MYBPC1: variants seen among roughly 807,000 people sequenced by gnomAD.
MYBPC1 encodes the protein myosin-binding protein C, slow-type.
A neutral mutation model predicts 147.1 loss-of-function variants in MYBPC1; 52 were observed. The ratio of observed to expected loss-of-function variants is 0.35; its 90% CI spans 0.28 to 0.45. MYBPC1 has a LOEUF of 0.45. MYBPC1 is among the 20% of genes least tolerant of loss of function. MYBPC1 has a pLI of 1.00. For synonymous variants in MYBPC1, 477 were observed against 475.9 expected, an observed-to-expected ratio of 1.00 and a Z score of -0.03; for missense variants, 1,228 against 1,440.3, an observed-to-expected ratio of 0.85 and a Z score of 2.39.
chr12:101,668,321 T>C (rs572680087), intron 23 of MYBPC1, among the ~76,000 whole-genome samples: 1 of 152,290 alleles, frequency 6.6e-6, no homozygotes, highest in East Asian at 1.9e-4. Flanking sequence ...TCACTGATAG[T>C]ATAAAAATGA....
chr12:101,636,938 C>A, intron 10 of MYBPC1: 1 of 493,012 alleles, frequency 2.0e-6, no homozygotes, highest in South Asian at 2.3e-5. Flanking sequence ...TTTAAACTTT[C>A]TTTTTAAATG....
chr12:101,659,610 G>A, intron 18 of MYBPC1, 62 bp from the exon 19 acceptor site: 1 of 1,565,782 alleles, frequency 6.4e-7, no homozygotes, highest in Non-Finnish European at 8.8e-7. Flanking sequence ...ATTTATAGGA[G>A]ACTCTGAAGT....
chr12:101,615,136 G>T (rs183512569), intron 2 of MYBPC1, among the ~76,000 whole-genome samples: 26 of 152,204 alleles, frequency 1.7e-4, no homozygotes, highest in Non-Finnish European at 3.4e-4. Context: ...CCCTTGGCAG[G>T]TAGGGCAGTC....
Position 101,629,491 on chromosome 12 carries a change from C to G in MYBPC1, c.236C>G (p.Ser79Cys). ...GEEQAKQNAN[S>C]QLSILFIEKP... Reference sequence around the variant, plus strand: ...GAACAAGCCAAGCAGAATGCCAACTCCCAGCTGTCCATCTTGTTCATTGAA... The same window carrying G: ...GAACAAGCCAAGCAGAATGCCAACTGCCAGCTGTCCATCTTGTTCATTGAA... Residue 79 changes from serine to cysteine, a missense_variant, in exon 6 of 32, where the codon TCC becomes TGC. Coordinates refer to ENST00000361466, the MANE Select transcript of MYBPC1 (RefSeq NM_002465.4). 2 of 1,614,050 alleles carry G rather than the reference C, an allele frequency of 1.2e-6. No individual in the cohort carries two copies. Among genetic ancestry groups the G allele is most frequent in the Non-Finnish European group, 1.7e-6 (2 of 1,179,964 alleles).
At chr12:101,607,148 C>T (rs937492654) in intron 1 of MYBPC1, among the ~76,000 whole-genome samples, 4 of 152,200 alleles carry the variant, frequency 2.6e-5, no homozygotes, top group East Asian at 3.9e-4. Context: ...TTAACAGAAT[C>T]AAACATCTCT....
downstream of MYBPC1, among the ~76,000 whole-genome samples, chr12:101,688,710 C>T (rs543151316): frequency 7.0e-6 from 1 of 143,130 alleles, no homozygotes; most frequent in South Asian, 2.3e-4. Flanking sequence ...TCTGTAATCC[C>T]GGCACTTTGG....
intron 1 of MYBPC1, among the ~76,000 whole-genome samples, chr12:101,604,948 A>G (rs1304828795): frequency 6.6e-6 from 1 of 152,130 alleles, no homozygotes; most frequent in African/African-American, 2.4e-5. Flanking sequence ...ACCAAAATGC[A>G]GGTTCAGCCC....
intron 10 of MYBPC1, chr12:101,637,051 T>TCCGTC: frequency 2.7e-5 from 8 of 292,092 alleles, no homozygotes; most frequent in South Asian, 4.2e-5. Context: ...CACATATGAT[T>TCCGTC]TGGTAGAAGT....
At chr12:101,674,862 C>CAAAAAAAAAAAAA (rs62824364) in intron 25 of MYBPC1, among the ~76,000 whole-genome samples, 2 of 59,866 alleles carry the variant, frequency 3.3e-5, no homozygotes, top group African/African-American at 8.2e-5. Context: ...ACTCTGTCTC[C>CAAAAAAAAAAAAA]AAAAAAAAAA....
intron 6 of MYBPC1, 139 bp downstream of exon 6, chr12:101,629,683 G>A (rs1889452899): frequency 7.3e-6 from 5 of 683,636 alleles, no homozygotes; most frequent in Middle Eastern, 3.8e-4. Context: ...GACCAGCCTG[G>A]CCAACATGGT....
intron 2 of MYBPC1, among the ~76,000 whole-genome samples, chr12:101,616,972 T>C (rs1404631172): frequency 6.6e-6 from 1 of 152,228 alleles, no homozygotes; most frequent in Non-Finnish European, 1.5e-5. Flanking sequence ...AGTGTTCTTA[T>C]GTGTACTTTT....
intron 1 of MYBPC1, among the ~76,000 whole-genome samples, chr12:101,611,447 A>G (rs1250974862): frequency 1.3e-5 from 2 of 152,244 alleles, no homozygotes; most frequent in Non-Finnish European, 2.9e-5. Flanking sequence ...CATTGGCCTT[A>G]GTTGGATTTT....
At chr12:101,627,825 G>T (rs766083914) in intron 5 of MYBPC1, 21 bp downstream of exon 5, 2 of 1,610,634 alleles carry the variant, frequency 1.2e-6, no homozygotes, top group Non-Finnish European at 1.7e-6. Context: ...GCCCAGAGAA[G>T]GCATCCTGAC....
Position 101,644,857 on chromosome 12 carries a change from G to A in MYBPC1, c.965+61G>A, listed in dbSNP as rs1490930977. ...CAGTAAATTAATCAAATAGTAGTTC[G>A]ACTGACTTTTCTGAGAATAAAAGGA... On this transcript the variant is annotated intron_variant, in intron 12 of 31. Transcript: ENST00000361466. The A allele has an allele frequency of 1.9e-5, 28 of 1,478,454 alleles. No individual in the cohort carries two copies. In the Admixed American group the frequency reaches 2.1e-4, roughly 11 times the overall value. 91.6% of individuals were successfully genotyped at this position (1,478,454 alleles called of 1,614,324 possible). A position where few individuals can be genotyped will look rare whatever the true frequency, so the allele number is the denominator to read the frequency against.
At chr12:101,603,000 A>G (rs1266416630) in intron 1 of MYBPC1, among the ~76,000 whole-genome samples, 1 of 151,958 alleles carries the variant, frequency 6.6e-6, no homozygotes, top group Non-Finnish European at 1.5e-5. Context: ...GTTGAACAAT[A>G]TCTATGTCTG....
At chr12:101,649,450 C>T (rs1355196011) in intron 15 of MYBPC1, 24 bp downstream of exon 15, 2 of 1,611,810 alleles carry the variant, frequency 1.2e-6, no homozygotes, top group Non-Finnish European at 8.5e-7. Flanking sequence ...CTTTAGATGT[C>T]TTCTCAGTGG....
chr12:101,643,509 T>C (rs1220817039), intron 11 of MYBPC1, among the ~76,000 whole-genome samples: 1 of 152,174 alleles, frequency 6.6e-6, no homozygotes, highest in African/African-American at 2.4e-5. Flanking sequence ...ATGGCTTTTT[T>C]AAAAGCTAGG....
chr12:101,681,574 A>ATATG (rs1446917424), intron 29 of MYBPC1, among the ~76,000 whole-genome samples: 1 of 19,694 alleles, frequency 5.1e-5, no homozygotes, highest in Non-Finnish European at 9.5e-5. Flanking sequence ...ATATATATAT[A>ATATG]TATATATATA....
chr12:101,672,862 G>A (rs982403082), intron 24 of MYBPC1, among the ~76,000 whole-genome samples: 1 of 152,110 alleles, frequency 6.6e-6, no homozygotes, highest in Non-Finnish European at 1.5e-5. Context: ...AAAAAATTTA[G>A]ATGATATTAA....
Sources: gnomAD v4.1 joint callset for allele counts (sites outside exome capture counted in the v4.1 genomes callset) on GRCh38, gnomAD v4.1.1 for gene constraint, MANE v1.5 for transcripts, NCBI Gene and HGNC (gene_info 2026-07-23, HGNC 2026-07-21) for gene names.